The following CPQ variants were observed in gnomAD, a reference collection of about 807,000 sequenced individuals.
The protein encoded by CPQ is Ser-Met dipeptidase.
In CPQ, 37 loss-of-function variants were observed where a neutral mutation model predicts 45.7. The observed-to-expected ratio is 0.81, with a 90% confidence interval of 0.62 to 1.07. The LOEUF is 1.07. Among genes scored for constraint, CPQ ranks in the 50% least tolerant of loss-of-function variants. CPQ has a pLI of 0.00. For synonymous variants in CPQ, 186 were observed against 205.8 expected, an observed-to-expected ratio of 0.90 and a Z score of 0.82; for missense variants, 537 against 572.9, an observed-to-expected ratio of 0.94 and a Z score of 0.64.
At chr8:96,717,801 C>T (rs745582930) in intron 1 of CPQ, among the ~76,000 whole-genome samples, 1 of 152,060 alleles carries the variant, frequency 6.6e-6, no homozygotes, top group African/African-American at 2.4e-5. Flanking sequence ...GCAGTGGCTC[C>T]AGAGGGGATT....
At chr8:96,811,615 A>G (rs1586410126) in intron 2 of CPQ, among the ~76,000 whole-genome samples, 1 of 152,174 alleles carries the variant, frequency 6.6e-6, no homozygotes, top group East Asian at 1.9e-4. Context: ...AGAACTAGAA[A>G]ACAAAAAAAC....
intron 7 of CPQ, among the ~76,000 whole-genome samples, chr8:97,091,207 C>A (rs1266656947): frequency 2.6e-5 from 4 of 152,158 alleles, no homozygotes; most frequent in Admixed American, 2.6e-4. Context: ...TCTACAGGGA[C>A]AGAAGCCCAG....
At chr8:96,852,573 C>A (rs139111874) in intron 3 of CPQ, among the ~76,000 whole-genome samples, 1 of 152,304 alleles carries the variant, frequency 6.6e-6, no homozygotes, top group East Asian at 1.9e-4. Context: ...CTGCTTATTT[C>A]TCTCTCTTTC....
intron 4 of CPQ, among the ~76,000 whole-genome samples, chr8:96,918,672 T>C (rs1812764291): frequency 6.6e-6 from 1 of 152,104 alleles, no homozygotes; most frequent in Non-Finnish European, 1.5e-5. Flanking sequence ...TTGTCTTCTA[T>C]GTAGGCTTTC....
chr8:97,136,154 A>G (rs1188928188), intron 7 of CPQ, among the ~76,000 whole-genome samples: 1 of 151,896 alleles, frequency 6.6e-6, no homozygotes, highest in African/African-American at 2.4e-5. Flanking sequence ...TAGCTGGAAA[A>G]TGTTTTCTGT....
At chr8:97,067,928 T>C (rs1453721315) in intron 7 of CPQ, among the ~76,000 whole-genome samples, 1 of 152,150 alleles carries the variant, frequency 6.6e-6, no homozygotes, top group Non-Finnish European at 1.5e-5. Flanking sequence ...GCCTGAAATA[T>C]TTCAACAAGA....
chr8:96,706,667 C>A (rs1809534325), intron 1 of CPQ, among the ~76,000 whole-genome samples: 1 of 152,108 alleles, frequency 6.6e-6, no homozygotes, highest in Non-Finnish European at 1.5e-5. Flanking sequence ...TTTTGAATAA[C>A]ATGACTTTAT....
At chr8:96,789,453 G>A (rs1390114319) in intron 2 of CPQ, among the ~76,000 whole-genome samples, 1 of 152,084 alleles carries the variant, frequency 6.6e-6, no homozygotes, top group African/African-American at 2.4e-5. Context: ...TCTTTTGGCT[G>A]GGTTCCCTAT....
intron 5 of CPQ, among the ~76,000 whole-genome samples, chr8:96,989,882 C>T (rs1008455658): frequency 2.6e-5 from 4 of 152,044 alleles, no homozygotes; most frequent in African/African-American, 4.8e-5. Flanking sequence ...TAAACTGAAA[C>T]TCAGAGAGAA....
chr8:97,129,807 T>A (rs963345427), intron 7 of CPQ, among the ~76,000 whole-genome samples: 5 of 152,178 alleles, frequency 3.3e-5, no homozygotes, highest in African/African-American at 1.2e-4. Flanking sequence ...TCCCCTAGAT[T>A]GAAAGTTCCG....
chr8:96,719,544 G>T (rs947804061), intron 1 of CPQ, among the ~76,000 whole-genome samples: 2 of 152,222 alleles, frequency 1.3e-5, no homozygotes, highest in South Asian at 4.1e-4. Context: ...CAGTGCAGCG[G>T]TGGGCTGAAG....
At chr8:97,068,317 G>A (rs766020701) in intron 7 of CPQ, among the ~76,000 whole-genome samples, 24 of 152,150 alleles carry the variant, frequency 1.6e-4, no homozygotes, top group Non-Finnish European at 2.8e-4. Context: ...TGGGGAGACT[G>A]AGCCCATTAT....
chr8:96,826,599 G>A (rs1811381631), intron 2 of CPQ, among the ~76,000 whole-genome samples: 2 of 151,866 alleles, frequency 1.3e-5, no homozygotes. Context: ...CTGGCTGAGG[G>A]CAATGATCTC....
At chr8:97,045,493 A>T (rs1051255367) in intron 6 of CPQ, among the ~76,000 whole-genome samples, 6 of 152,146 alleles carry the variant, frequency 3.9e-5, no homozygotes, top group South Asian at 2.1e-4. Context: ...CACTGCACCC[A>T]CTGTCCTGCG....
At chr8:97,119,700 C>A (rs1166534358) in intron 7 of CPQ, among the ~76,000 whole-genome samples, 2 of 152,176 alleles carry the variant, frequency 1.3e-5, no homozygotes, top group Non-Finnish European at 2.9e-5. Context: ...AGCATACAGA[C>A]CCCTGCATCG....
intron 5 of CPQ, among the ~76,000 whole-genome samples, chr8:96,988,522 G>C (rs1203298582): frequency 6.6e-6 from 1 of 152,086 alleles, no homozygotes; most frequent in South Asian, 2.1e-4. Context: ...GAAACCATGA[G>C]AAACATCCAA....
At chr8:96,971,458 G>A (rs1040307924) in intron 5 of CPQ, among the ~76,000 whole-genome samples, 1 of 152,176 alleles carries the variant, frequency 6.6e-6, no homozygotes, top group African/African-American at 2.4e-5. Context: ...GGCCCCAGAT[G>A]AATCAGAATT....
chr8:96,861,348 A>G (rs1382849370), intron 3 of CPQ, among the ~76,000 whole-genome samples: 1 of 152,158 alleles, frequency 6.6e-6, no homozygotes, highest in East Asian at 1.9e-4. Flanking sequence ...AAGAACAGTG[A>G]AAAGGGCAAG....
intron 7 of CPQ, among the ~76,000 whole-genome samples, chr8:97,088,466 G>C (rs376069560): frequency 1.3e-5 from 2 of 152,254 alleles, no homozygotes; most frequent in South Asian, 2.1e-4. Context: ...TACACAAATT[G>C]CTTACTTTAT....
Sources: gnomAD v4.1 joint callset for allele counts (sites outside exome capture counted in the v4.1 genomes callset) on GRCh38, gnomAD v4.1.1 for gene constraint, MANE v1.5 for transcripts, NCBI Gene and HGNC (gene_info 2026-07-23, HGNC 2026-07-21) for gene names.